The following NCOA1 variants were observed in gnomAD, a reference collection of about 807,000 sequenced individuals.
NCOA1 encodes the protein nuclear receptor coactivator 1.
Under a neutral mutation model 150.9 loss-of-function variants are expected in NCOA1, and 35 were observed. That is an observed-to-expected ratio of 0.23 (90% CI 0.18 to 0.31). The LOEUF (loss-of-function observed/expected upper bound fraction) is 0.31, where lower values mean the gene tolerates loss of function less well. NCOA1 is among the 10% of genes least tolerant of loss of function. The probability of loss-of-function intolerance (pLI) is 1.00; values close to 1 mark genes in which losing one functional copy is unlikely to be tolerated. For missense variants in NCOA1, 1,491 were observed against 1,749.3 expected (o/e 0.85, Z 2.63); for synonymous variants, 590 against 630.0 (o/e 0.94, Z 0.95).
intron 3 of NCOA1, among the ~76,000 whole-genome samples, chr2:24,598,414 T>C (rs1158949696): frequency 6.6e-6 from 1 of 151,940 alleles, no homozygotes; most frequent in East Asian, 1.9e-4. Context: ...GGAAAAAAAA[T>C]GAAAGCATAT....
At chr2:24,567,982 G>C (rs1251213971) in intron 2 of NCOA1, among the ~76,000 whole-genome samples, 2 of 152,108 alleles carry the variant, frequency 1.3e-5, no homozygotes, top group Non-Finnish European at 2.9e-5. Context: ...GACCTCAAGT[G>C]ATCTGCCCAC....
chr2:24,664,887 A>G (rs188143089), intron 5 of NCOA1, among the ~76,000 whole-genome samples: 1 of 152,152 alleles, frequency 6.6e-6, no homozygotes, highest in African/African-American at 2.4e-5. Flanking sequence ...TCTTCCTATT[A>G]TATTAGTTTG....
chr2:24,699,818 G>A (rs1380885955), intron 11 of NCOA1, among the ~76,000 whole-genome samples: 1 of 152,150 alleles, frequency 6.6e-6, no homozygotes, highest in Non-Finnish European at 1.5e-5. Context: ...TCAAATGAAG[G>A]CCTGCCCAGA....
chr2:24,606,211 T>C (rs1263121560), intron 3 of NCOA1, among the ~76,000 whole-genome samples: 1 of 151,656 alleles, frequency 6.6e-6, no homozygotes, highest in East Asian at 1.9e-4. Context: ...CTTCATAATT[T>C]TTATTTTTTT....
At chr2:24,691,849 TCC>T (rs1420281175) in intron 9 of NCOA1, among the ~76,000 whole-genome samples, 189 bp downstream of exon 9, 4 of 152,340 alleles carry the variant, frequency 2.6e-5, no homozygotes, top group East Asian at 3.9e-4. Context: ...CTAGAATCAT[TCC>T]TTTAATATGC....
intron 1 of NCOA1, among the ~76,000 whole-genome samples, chr2:24,523,277 C>G (rs1252406472): frequency 6.6e-6 from 1 of 152,134 alleles, no homozygotes; most frequent in African/African-American, 2.4e-5. Flanking sequence ...ATTAGAGTCT[C>G]CCTTCTCCCC....
intron 21 of NCOA1, among the ~76,000 whole-genome samples, chr2:24,760,137 T>G (rs546880710): frequency 1.3e-5 from 2 of 150,118 alleles, no homozygotes; most frequent in African/African-American, 4.9e-5. Context: ...TTAACTTTTT[T>G]TTTTTCTTTT....
At chr2:24,570,298 A>C (rs536191360) in intron 2 of NCOA1, among the ~76,000 whole-genome samples, 37 of 152,352 alleles carry the variant, frequency 2.4e-4, no homozygotes, top group African/African-American at 8.4e-4. Context: ...AACATCTTGC[A>C]GTGAAGTTAT....
At chr2:24,529,944 G>C (rs1476073912) in intron 1 of NCOA1, among the ~76,000 whole-genome samples, 1 of 152,036 alleles carries the variant, frequency 6.6e-6, no homozygotes, top group African/African-American at 2.4e-5. Flanking sequence ...TTAAAAAAGT[G>C]GTTTTCAATT....
At chr2:24,647,608 A>G (rs1262842289) in intron 4 of NCOA1, among the ~76,000 whole-genome samples, 1 of 152,192 alleles carries the variant, frequency 6.6e-6, no homozygotes, top group Non-Finnish European at 1.5e-5. Flanking sequence ...TATACTTCAT[A>G]GGGCAGTTGT....
At chr2:24,573,968 A>G (rs911366047) in intron 2 of NCOA1, among the ~76,000 whole-genome samples, 5 of 150,574 alleles carry the variant, frequency 3.3e-5, no homozygotes, top group African/African-American at 1.2e-4. Flanking sequence ...AAACAAACGG[A>G]CTCAACAAAA....
At chr2:24,684,035 G>A (rs1275712768) in intron 8 of NCOA1, among the ~76,000 whole-genome samples, 3 of 152,152 alleles carry the variant, frequency 2.0e-5, no homozygotes, top group Non-Finnish European at 4.4e-5. Context: ...TAAAGTATCT[G>A]AGTTGGAGAG....
chr2:24,547,988 CAA>C (rs34669959), intron 1 of NCOA1, among the ~76,000 whole-genome samples: 11 of 74,930 alleles, frequency 1.5e-4, no homozygotes, highest in Admixed American at 1.6e-4. Context: ...GACTCTGTCT[CAA>C]AAAAAAAAAA....
chr2:24,565,761 G>C (rs1160543064), intron 2 of NCOA1, among the ~76,000 whole-genome samples: 1 of 152,200 alleles, frequency 6.6e-6, no homozygotes, highest in Non-Finnish European at 1.5e-5. Flanking sequence ...GTGGGGTCTG[G>C]CCACTGTGCA....
chr2:24,666,067 A>C (rs981241159), intron 6 of NCOA1, 152 bp downstream of exon 6: 6 of 369,162 alleles, frequency 1.6e-5, no homozygotes, highest in Admixed American at 5.9e-5. Context: ...GCTGGAGTGC[A>C]GTGGTGCGAT....
intron 1 of NCOA1, among the ~76,000 whole-genome samples, chr2:24,523,203 C>T (rs1440351242): frequency 6.6e-6 from 1 of 152,102 alleles, no homozygotes; most frequent in African/African-American, 2.4e-5. Context: ...TTTTACTGCC[C>T]CGATCAGCTT....
chr2:24,533,126 A>C (rs1024401987), intron 1 of NCOA1, among the ~76,000 whole-genome samples: 6 of 152,088 alleles, frequency 3.9e-5, no homozygotes, highest in South Asian at 4.2e-4. Context: ...CTTTTATTTC[A>C]TTGAGCAGTG....
At chr2:24,554,146 T>G (rs1665972959) in intron 1 of NCOA1, among the ~76,000 whole-genome samples, 1 of 152,162 alleles carries the variant, frequency 6.6e-6, no homozygotes, top group Non-Finnish European at 1.5e-5. Flanking sequence ...TTCAAAGAAT[T>G]AGATTTGTGT....
chr2:24,626,792 T>G (rs1173810265), intron 3 of NCOA1, among the ~76,000 whole-genome samples: 1 of 152,170 alleles, frequency 6.6e-6, no homozygotes, highest in Non-Finnish European at 1.5e-5. Flanking sequence ...ATATGTGGTC[T>G]TAGCTCAGAT....
Sources: allele counts gnomAD v4.1 joint callset (sites outside exome capture counted in the v4.1 genomes callset), GRCh38; gene constraint gnomAD v4.1.1; transcripts MANE v1.5; gene names NCBI Gene and HGNC (gene_info 2026-07-23, HGNC 2026-07-21).